ME1: variants seen among roughly 807,000 people sequenced by gnomAD.
The protein encoded by ME1 is NADP-dependent malic enzyme.
A neutral mutation model predicts 66.4 loss-of-function variants in ME1; 74 were observed. The observed-to-expected ratio is 1.11, with a 90% CI of 0.92 to 1.35. The LOEUF (loss-of-function observed/expected upper bound fraction) is 1.35. Among genes scored for constraint, ME1 ranks in the 40% most tolerant of loss-of-function variants. The pLI is 0.00. For missense variants in ME1, 750 were observed against 694.1 expected (o/e 1.08, Z -0.90); for synonymous variants, 251 against 235.6 (o/e 1.07, Z -0.60).
At chr6:83,255,970 C>T (rs535825895) in intron 6 of ME1, among the ~76,000 whole-genome samples, 3 of 152,242 alleles carry the variant, frequency 2.0e-5, no homozygotes, top group South Asian at 2.1e-4. Context: ...AAATACCTCC[C>T]TGCTTTAATT....
In ME1 at chr6:83,357,819, G is replaced by A. The variant is rs530055278; in HGVS notation, c.363-5680C>T. ...TCCAAGTTCTTCAGCTTTGGAACTC[G>A]GACTGGCTCTCCTTGCTCCTCAGCC... On this transcript the variant is annotated intron_variant, in intron 3 of 13. Transcript: ENST00000369705. Among the ~76,000 whole-genome samples the A allele has an allele frequency of 5.4e-5, 8 of 149,312 alleles. No individual in the cohort carries two copies. The East Asian group carries it at 8.0e-4, about 15-fold the overall frequency.
At chr6:83,212,569 CTT>C (rs1789912816) in intron 13 of ME1, among the ~76,000 whole-genome samples, 1 of 152,198 alleles carries the variant, frequency 6.6e-6, no homozygotes, top group Non-Finnish European at 1.5e-5. Flanking sequence ...GATGAGCACT[CTT>C]TGCCAGCGTC....
intron 11 of ME1, 76 bp from the exon 12 acceptor site, chr6:83,224,009 C>A (rs1285626046): frequency 2.4e-6 from 3 of 1,254,090 alleles, no homozygotes; most frequent in Non-Finnish European, 3.4e-6. Flanking sequence ...AACAGAACTA[C>A]CCCACAGCCT....
chr6:83,217,312 T>C (rs958751154), intron 12 of ME1, among the ~76,000 whole-genome samples: 23 of 152,190 alleles, frequency 1.5e-4, no homozygotes, highest in African/African-American at 5.3e-4. Context: ...CTTTGTTCCA[T>C]GAAAATGTGG....
intron 1 of ME1, among the ~76,000 whole-genome samples, chr6:83,412,712 G>A (rs1770076129): frequency 6.6e-6 from 1 of 152,084 alleles, no homozygotes. Context: ...ATCATGTTAA[G>A]TGAAAGAAGC....
intron 6 of ME1, among the ~76,000 whole-genome samples, chr6:83,274,532 C>T (rs1458075875): frequency 2.0e-5 from 3 of 152,032 alleles, no homozygotes; most frequent in Non-Finnish European, 2.9e-5. Flanking sequence ...TGTTTCAGTT[C>T]TTCTATTTAG....
At position 83,357,902 on chromosome 6, in the gene ME1, C is replaced by CTCTCT. The variant is rs1768921889; in HGVS notation, c.363-5764_363-5763insAGAGA. ...TGTTAGTTAATACTTAATAAACTCC[C>CTCTCT]CTCTCTCTCTCTCTCTCTCTCTCTC... On this transcript the variant is annotated intron_variant, in intron 3 of 13. Transcript: ENST00000369705. Among the ~76,000 whole-genome samples the CTCTCT allele has an allele frequency of 9.2e-4, 29 of 31,554 alleles. 3 individuals carry two copies. The highest frequency in any genetic ancestry group is 2.5e-3 in the East Asian group (2 of 802). The allele number at this position is 31,554 out of a possible 152,430, so 20.7% of individuals were successfully genotyped here. A position where few individuals can be genotyped will look rare whatever the true frequency, so the allele number is the denominator to read the frequency against.
intron 1 of ME1, 51 bp downstream of exon 1, chr6:83,430,826 G>T: frequency 6.8e-7 from 1 of 1,477,420 alleles, no homozygotes; most frequent in South Asian, 1.2e-5. Context: ...AGAGGGCCCT[G>T]ACCCTGATAG....
chr6:83,220,990 C>T (rs912329708), intron 12 of ME1, among the ~76,000 whole-genome samples: 1 of 152,088 alleles, frequency 6.6e-6, no homozygotes, highest in Non-Finnish European at 1.5e-5. Context: ...GAAACCCCGT[C>T]TCTACTAAAA....
At chr6:83,287,270 C>T (rs767716180) in intron 6 of ME1, among the ~76,000 whole-genome samples, 5 of 152,090 alleles carry the variant, frequency 3.3e-5, no homozygotes, top group Non-Finnish European at 7.4e-5. Context: ...CTGTCACCTA[C>T]ATTAGGTATT....
chr6:83,354,125 T>C (rs1167822073), intron 3 of ME1, among the ~76,000 whole-genome samples: 1 of 152,062 alleles, frequency 6.6e-6, no homozygotes, highest in African/African-American at 2.4e-5. Flanking sequence ...TTAAGCACTC[T>C]CATGGTTGGT....
intron 5 of ME1, among the ~76,000 whole-genome samples, chr6:83,320,591 G>A (rs1015833347): frequency 5.3e-5 from 8 of 152,196 alleles, no homozygotes; most frequent in Admixed American, 6.5e-5. Flanking sequence ...TGAAGTTGAA[G>A]TGCCAATGTG....
intron 3 of ME1, among the ~76,000 whole-genome samples, chr6:83,356,756 TTC>T (rs1491127961): frequency 6.6e-6 from 1 of 152,204 alleles, no homozygotes; most frequent in Non-Finnish European, 1.5e-5. Context: ...TTGTTTTTTT[TTC>T]CTGAACTATG....
chr6:83,406,010 C>A (rs200838160), intron 2 of ME1, among the ~76,000 whole-genome samples: 1 of 152,122 alleles, frequency 6.6e-6, no homozygotes, highest in Non-Finnish European at 1.5e-5. Flanking sequence ...CGTGAGCCAC[C>A]GCACCCGGCC....
chr6:83,212,601 C>A (rs544571740), intron 13 of ME1, among the ~76,000 whole-genome samples: 2 of 152,180 alleles, frequency 1.3e-5, no homozygotes, highest in African/African-American at 4.8e-5. Flanking sequence ...CTGGTCATCA[C>A]GCCCTGTGTT....
intron 3 of ME1, among the ~76,000 whole-genome samples, chr6:83,372,349 T>C (rs1050215971): frequency 5.9e-5 from 9 of 152,154 alleles, no homozygotes; most frequent in Non-Finnish European, 1.0e-4. Flanking sequence ...GACTGGGGTA[T>C]GGTTTGAGAG....
At chr6:83,219,206 T>C (rs942696945) in intron 12 of ME1, among the ~76,000 whole-genome samples, 5 of 152,226 alleles carry the variant, frequency 3.3e-5, no homozygotes, top group African/African-American at 1.2e-4. Flanking sequence ...TAATTCTTGT[T>C]GTTCTGCAAA....
At chr6:83,391,063 T>G (rs1385233364) in intron 3 of ME1, among the ~76,000 whole-genome samples, 3 of 152,080 alleles carry the variant, frequency 2.0e-5, no homozygotes, top group African/African-American at 4.8e-5. Flanking sequence ...CTTATAAGAC[T>G]ATATATAGTC....
chr6:83,388,275 G>T (rs544987256), intron 3 of ME1, among the ~76,000 whole-genome samples: 1 of 151,854 alleles, frequency 6.6e-6, no homozygotes, highest in African/African-American at 2.4e-5. Context: ...CTGTAAAGAC[G>T]GGGTTTCACC....
Sources: allele counts gnomAD v4.1 joint callset (sites outside exome capture counted in the v4.1 genomes callset), GRCh38; gene constraint gnomAD v4.1.1; transcripts MANE v1.5; gene names NCBI Gene and HGNC (gene_info 2026-07-23, HGNC 2026-07-21).